Variants in PPP2R5C observed in about 807,000 individuals in gnomAD.
PPP2R5C encodes the protein serine/threonine-protein phosphatase 2A 56 kDa regulatory subunit gamma isoform.
A neutral mutation model predicts 68.9 loss-of-function variants in PPP2R5C; 7 were observed. The ratio of observed to expected loss-of-function variants is 0.10; its 90% CI spans 0.06 to 0.19. PPP2R5C has a LOEUF of 0.19. Among genes scored for constraint, PPP2R5C ranks in the 10% least tolerant of loss-of-function variants. The pLI, the probability that PPP2R5C is intolerant of heterozygous loss-of-function variation, is 1.00. For synonymous variants in PPP2R5C, 210 were observed against 222.2 expected, an observed-to-expected ratio of 0.95 and a Z score of 0.49; for missense variants, 348 against 641.3, an observed-to-expected ratio of 0.54 and a Z score of 4.94.
exon 9 of PPP2R5C, chr14:101,901,842 C>T: frequency 1.9e-6 from 3 of 1,614,208 alleles, no homozygotes; most frequent in South Asian, 1.1e-5. Flanking sequence ...GATCATGGAA[C>T]CCCTCTTCCG....
intron 3 of PPP2R5C, among the ~76,000 whole-genome samples, chr14:101,796,220 G>A (rs1164383449): frequency 6.6e-6 from 1 of 152,190 alleles, no homozygotes; most frequent in Non-Finnish European, 1.5e-5. Context: ...TTGGCTTCTT[G>A]CCTGTTAGTT....
rs544117894 is a variant in PPP2R5C, at chr14:101,881,325, G to A, written c.295-836G>A. The stretch of plus-strand genomic sequence containing the variant: ...TGAGGCACAAGAATCACTTGAACCC[G>A]GGAGGCAGAGGTTGTGATGAGTCGA... On this transcript the variant is annotated intron_variant, in intron 2 of 13. Coordinates refer to ENST00000334743, the Ensembl canonical transcript of PPP2R5C. 2.6e-4 allele frequency among the ~76,000 whole-genome samples: 39 copies of A among 152,230 alleles called. 1 individual carries two copies. The highest frequency in any genetic ancestry group is 9.6e-4 in the East Asian group (5 of 5,184).
At chr14:101,880,079 C>T (rs1490583024) in intron 2 of PPP2R5C, among the ~76,000 whole-genome samples, 1 of 152,194 alleles carries the variant, frequency 6.6e-6, no homozygotes, top group Non-Finnish European at 1.5e-5. Context: ...TGTCAATCAC[C>T]GTTCTTTGGG....
chr14:101,766,328 A>G (rs1387475653), intron 2 of PPP2R5C: 1 of 152,224 alleles, frequency 6.6e-6, no homozygotes, highest in Non-Finnish European at 1.5e-5. Flanking sequence ...GAAAATAAAC[A>G]TGCCGATTCT....
chr14:101,907,167 T>C (rs2046077378), intron 10 of PPP2R5C, among the ~76,000 whole-genome samples: 1 of 152,120 alleles, frequency 6.6e-6, no homozygotes, highest in Non-Finnish European at 1.5e-5. Context: ...TTTTTAAAAT[T>C]TGTATTTTAT....
chr14:101,832,771 C>T (rs985194929), intron 1 of PPP2R5C, among the ~76,000 whole-genome samples: 2 of 152,170 alleles, frequency 1.3e-5, no homozygotes, highest in African/African-American at 2.4e-5. Flanking sequence ...TGTCCTCATC[C>T]ACCCCGCCAC....
chr14:101,763,383 A>G (rs12232171), intron 2 of PPP2R5C, among the ~76,000 whole-genome samples: 9,851 of 143,976 alleles, frequency 0.068, 351 homozygotes, highest in East Asian at 0.15. Context: ...ACCACACCCA[A>G]CAAATTTTTT....
rs112899305 is a variant in PPP2R5C at position 101,877,109 on chromosome 14, C to T, written c.295-5052C>T. On this transcript the variant is annotated intron_variant, in intron 2 of 13. Transcript: ENST00000334743. The surrounding 1 kb of genome is among the most constrained non-coding windows in gnomAD (Gnocchi z 4.2). ...GATTACAGGCACCCACCACCACACC[C>T]AGCTAAGTTTTGTATTTTTAGTGGA... Among the ~76,000 whole-genome samples, 100 of 152,042 alleles carry T rather than the reference C, an allele frequency of 6.6e-4. 1 individual carries two copies. Among genetic ancestry groups the T allele is most frequent in the African/African-American group, 2.1e-3 (88 of 41,464 alleles).
At chr14:101,815,730 C>T (rs892808568) in intron 1 of PPP2R5C, among the ~76,000 whole-genome samples, 5 of 152,164 alleles carry the variant, frequency 3.3e-5, no homozygotes, top group African/African-American at 9.7e-5. Flanking sequence ...GGTGCAGTGG[C>T]GTGATCTCGG....
intron 3 of PPP2R5C, among the ~76,000 whole-genome samples, chr14:101,787,990 G>A (rs1421282263): frequency 1.3e-5 from 2 of 152,170 alleles, no homozygotes; most frequent in Non-Finnish European, 2.9e-5. Context: ...TAGGGGTACA[G>A]AATTACACAA....
intron 3 of PPP2R5C, among the ~76,000 whole-genome samples, chr14:101,792,493 A>T (rs1488007252): frequency 5.9e-5 from 9 of 152,194 alleles, no homozygotes. Context: ...TTTCTTACCA[A>T]CCAGAGATAC....
Position 101,882,354 on chromosome 14 carries a change from C to A in PPP2R5C, c.405+83C>A. The A allele has an allele frequency of 1.9e-6, 2 of 1,035,280 alleles. No individual in the cohort carries two copies. The highest frequency in any genetic ancestry group is 1.6e-5 in the African/African-American group (1 of 62,184). 64.1% of individuals were successfully genotyped at this position (1,035,280 alleles called of 1,614,324 possible). A position where few individuals can be genotyped will look rare whatever the true frequency, so the allele number is the denominator to read the frequency against. On this transcript the variant is annotated intron_variant, in intron 3 of 13. Transcript: ENST00000334743. The surrounding 1 kb of genome is among the most constrained non-coding windows in gnomAD (Gnocchi z 4.9). The stretch of plus-strand genomic sequence containing the variant: ...GGATCCACAGAGCGGGCGCACTGGT[C>A]TGGCCAGATGGACCTCTCCTCCTCA...
rs899153141 is a variant in PPP2R5C at position 101,913,790 on chromosome 14, G to A, written c.1326+1317G>A. On this transcript the variant is annotated intron_variant, in intron 12 of 13. Coordinates refer to ENST00000334743, the Ensembl canonical transcript of PPP2R5C. The surrounding 1 kb of genome is among the most constrained non-coding windows in gnomAD (Gnocchi z 4.1). The stretch of plus-strand genomic sequence containing the variant: ...TGTTCTGAAGAGCCTCAGGCAAAGT[G>A]GGTGCTGATAGCCCTCAGGATTGTC... Among the ~76,000 whole-genome samples, 1 of 152,186 alleles carries A rather than the reference G, an allele frequency of 6.6e-6. No individual in the cohort carries two copies. Among genetic ancestry groups the A allele is most frequent in the Non-Finnish European group, 1.5e-5 (1 of 68,034 alleles).
At chr14:101,896,633 C>T in intron 8 of PPP2R5C, among the ~76,000 whole-genome samples, 1 of 72,200 alleles carries the variant, frequency 1.4e-5, no homozygotes. Flanking sequence ...GAAACCCTGT[C>T]TCCAAAAAAA....
chr14:101,783,368 C>T (rs1566834628), intron 2 of PPP2R5C, among the ~76,000 whole-genome samples: 1 of 149,842 alleles, frequency 6.7e-6, no homozygotes, highest in Non-Finnish European at 1.5e-5. Flanking sequence ...ATGTCTCATG[C>T]GGAGAGGCCC....
chr14:101,890,187 A>C, intron 5 of PPP2R5C, 50 bp from the exon 8 acceptor site: 2 of 1,509,478 alleles, frequency 1.3e-6, no homozygotes, highest in Non-Finnish European at 1.8e-6. Context: ...TTGTTTTCTT[A>C]TTCAGGTTAG....
At position 101,901,710 on chromosome 14, in the gene PPP2R5C, C is replaced by G; in HGVS notation, c.853-9C>G. Reference sequence around the variant, plus strand: ...GCATCAGTCACTCCACGTGTCATTTCTTTTGTAGGTGGTGATGGCACTTCT... The same window carrying G: ...GCATCAGTCACTCCACGTGTCATTTGTTTTGTAGGTGGTGATGGCACTTCT... On this transcript the variant is annotated splice_polypyrimidine_tract_variant and intron_variant, in intron 8 of 13. Transcript: ENST00000334743. 6.2e-7 allele frequency: 1 copy of G among 1,612,756 alleles called. No homozygotes were observed. Among genetic ancestry groups the G allele is most frequent in the African/African-American group, 1.3e-5 (1 of 75,004 alleles).
At chr14:101,837,207 G>C (rs565266242) in intron 1 of PPP2R5C, among the ~76,000 whole-genome samples, 1 of 152,210 alleles carries the variant, frequency 6.6e-6, no homozygotes, top group East Asian at 1.9e-4. Flanking sequence ...GCAGTGGTGC[G>C]ATCTCGGCTC....
chr14:101,761,708 C>T (rs1484709786), upstream of PPP2R5C: 49 of 551,738 alleles, frequency 8.9e-5, 1 homozygote, highest in East Asian at 7.1e-4. Context: ...CCGCCGCCGC[C>T]GCCGCCGTGG....
Sources: gnomAD v4.1 joint callset for allele counts (sites outside exome capture counted in the v4.1 genomes callset) on GRCh38, gnomAD v4.1.1 for gene constraint, Gnocchi (gnomAD v3.1) non-coding constraint, MANE v1.5 for transcripts, NCBI Gene and HGNC (gene_info 2026-07-23, HGNC 2026-07-21) for gene names.